Variants in DHX40 observed in about 807,000 individuals in gnomAD.
The protein encoded by DHX40 is DEAH-box helicase 40.
Under a neutral mutation model 89.6 loss-of-function variants are expected in DHX40, and 28 were observed. The observed-to-expected ratio is 0.31, with a 90% CI of 0.23 to 0.43. The LOEUF is 0.43. Among genes scored for constraint, DHX40 ranks in the 20% least tolerant of loss-of-function variants. The pLI, the probability that DHX40 is intolerant of heterozygous loss-of-function variation, is 1.00. For missense variants in DHX40, 457 were observed against 844.0 expected, an observed-to-expected ratio of 0.54 and a Z score of 5.68; for synonymous variants, 226 against 283.6, an observed-to-expected ratio of 0.80 and a Z score of 2.04.
In DHX40 at chr17:59,575,399, T is replaced by G. The variant is rs1299804475; in HGVS notation, c.901T>G (p.Tyr301Asp). The G allele has an allele frequency of 6.8e-6, 11 of 1,611,318 alleles. No individual in the cohort carries two copies. Among genetic ancestry groups the G allele is most frequent in the Non-Finnish European group, 8.5e-6 (10 of 1,178,974 alleles). The change falls in exon 7 of 18, where the codon TAT becomes GAT. Residue 301 changes from tyrosine (Y) to aspartate (D), a missense_variant. Coordinates refer to ENST00000251241, the MANE Select transcript of DHX40 (RefSeq NM_024612.5). ...LLFQMAESVD[Y>D]DYDVQDTTLD... ...TTTTCAGATGGCAGAGTCTGTTGAT[T>G]ATGATTATGATGTTCAAGATACCAC...
At chr17:59,565,972 A>T (rs1041309705) in intron 1 of DHX40, among the ~76,000 whole-genome samples, 189 bp downstream of exon 1, 2 of 151,918 alleles carry the variant, frequency 1.3e-5, no homozygotes, top group Non-Finnish European at 1.5e-5. Context: ...GCGGTCCCAG[A>T]TTCAAGTTAG....
chr17:59,604,115 G>A (rs1455391972), intron 15 of DHX40: 1 of 152,158 alleles, frequency 6.6e-6, no homozygotes, highest in African/African-American at 2.4e-5. Flanking sequence ...AATGTCAGTG[G>A]GGTCTGAGGA....
chr17:59,594,335 G>C (rs1359174770), intron 12 of DHX40, among the ~76,000 whole-genome samples: 4 of 151,966 alleles, frequency 2.6e-5, no homozygotes, highest in African/African-American at 9.7e-5. Flanking sequence ...ATAAAGTTGG[G>C]CACCTCGGCA....
intron 14 of DHX40, among the ~76,000 whole-genome samples, chr17:59,600,339 A>T (rs2030416367): frequency 6.6e-6 from 1 of 152,164 alleles, no homozygotes; most frequent in African/African-American, 2.4e-5. Context: ...TGAGAGAAAA[A>T]AAAAAATCTT....
intron 2 of DHX40, among the ~76,000 whole-genome samples, chr17:59,569,705 A>G (rs867109727): frequency 3.6e-5 from 5 of 140,832 alleles, no homozygotes; most frequent in East Asian, 2.0e-4. Context: ...AAAAATATAT[A>G]TATATCTATA....
intron 17 of DHX40, 91 bp downstream of exon 17, chr17:59,605,765 C>A: frequency 1.6e-6 from 2 of 1,241,010 alleles, no homozygotes; most frequent in South Asian, 2.6e-5. Context: ...ATGTTGTGAC[C>A]CACCTGGGCA....
chr17:59,587,860 T>C (rs1026852597), intron 11 of DHX40, 36 bp from the exon 12 acceptor site: 34 of 1,566,304 alleles, frequency 2.2e-5, no homozygotes, highest in Non-Finnish European at 2.6e-5. Flanking sequence ...ACTCTCCTAG[T>C]GTAGAAAGAC....
intron 15 of DHX40, among the ~76,000 whole-genome samples, chr17:59,603,043 C>T (rs2030630070): frequency 6.6e-6 from 1 of 151,956 alleles, no homozygotes; most frequent in Non-Finnish European, 1.5e-5. Context: ...GTGAGGAAGG[C>T]ATCTTTATAG....
rs2030308281 is a variant in DHX40, at chr17:59,599,095, T to C, written c.1697+244T>C. 2.0e-5 allele frequency among the ~76,000 whole-genome samples: 3 copies of C among 152,346 alleles called. No homozygotes were observed. The South Asian group carries it at 6.2e-4, about 32-fold the overall frequency. ...AAATGACCTTATAGAATTTTGCTTC[T>C]ATATAGGTAGCCTAGATTAAAAAAT... On this transcript the variant is annotated intron_variant, in intron 13 of 17. Transcript: ENST00000251241.
In DHX40 at chr17:59,605,377, TTTGG is replaced by T. The variant is rs2030778614; in HGVS notation, c.1972-62_1972-59del. The T allele has an allele frequency of 2.0e-6, 3 of 1,484,364 alleles. No individual in the cohort carries two copies. In the South Asian group the frequency reaches 3.7e-5, roughly 18 times the overall value. The allele number at this position is 1,484,364 out of a possible 1,614,324, so 91.9% of individuals were successfully genotyped here. On this transcript the variant is annotated intron_variant, in intron 16 of 17. Coordinates refer to ENST00000251241, the MANE Select transcript of DHX40 (RefSeq NM_024612.5). ...AATTAATTGAGAAGGATTTGGACTA[TTTGG>T]TTGGTTTAATGTGGAATAGGGCAGG...
chr17:59,585,236 C>T (rs1171965515), intron 10 of DHX40, among the ~76,000 whole-genome samples: 1 of 95,122 alleles, frequency 1.1e-5, no homozygotes, highest in Non-Finnish European at 2.0e-5. Context: ...CCCGCCTCTA[C>T]TAAAAATACA....
At chr17:59,606,122 C>T (rs1485846027) in intron 17 of DHX40, among the ~76,000 whole-genome samples, 1 of 151,940 alleles carries the variant, frequency 6.6e-6, no homozygotes, top group African/African-American at 2.4e-5. Context: ...TTTTGGCTCA[C>T]TGCAGCCTCT....
chr17:59,604,282 A>G (rs2030710618), intron 15 of DHX40: 1 of 152,164 alleles, frequency 6.6e-6, no homozygotes, highest in Admixed American at 6.5e-5. Context: ...TGATTCAGGT[A>G]AAAATTTTTT....
rs775781471 is a variant in DHX40 at position 59,577,290 on chromosome 17, C to T, written c.998C>T (p.Pro333Leu). 1 of 1,613,662 alleles carries T rather than the reference C, an allele frequency of 6.2e-7. No individual in the cohort carries two copies. Among genetic ancestry groups the T allele is most frequent in the East Asian group, 2.2e-5 (1 of 44,876 alleles). ...TTDQQRRIFLPPPPGIRKCVI... is the reference protein window; with the variant it reads ...TTDQQRRIFLLPPPGIRKCVI... ...GATCAACAGAGGAGGATATTTTTGC[C>T]ACCACCACCTGGAATTAGAAAATGT... Residue 333 changes from proline (P) to leucine (L), a missense_variant, in exon 8 of 18, where the codon CCA (proline) becomes CTA (leucine). Coordinates refer to ENST00000251241, the MANE Select transcript of DHX40 (RefSeq NM_024612.5).
intron 15 of DHX40, chr17:59,603,553 A>C (rs1415514069): frequency 2.0e-5 from 3 of 152,228 alleles, no homozygotes; most frequent in Non-Finnish European, 4.4e-5. Context: ...GCCCCAAGTA[A>C]TCAAATATGA....
Position 59,607,257 on chromosome 17 carries a change from C to G in DHX40, c.*85C>G. On this transcript the variant is annotated 3_prime_UTR_variant, in exon 18 of 18. Transcript: ENST00000251241. Reference sequence around the variant, plus strand: ...TGCCAGTTATTTCAGACAGCACTACCAAGAGGAGGTGGTCAGCACTTGTTA... The same window carrying G: ...TGCCAGTTATTTCAGACAGCACTACGAAGAGGAGGTGGTCAGCACTTGTTA... The G allele has an allele frequency of 6.2e-7, 1 of 1,613,310 alleles. No individual in the cohort carries two copies. The highest frequency in any genetic ancestry group is 1.1e-5 in the South Asian group (1 of 91,054).
chr17:59,606,911 A>G (rs908872499), intron 17 of DHX40, 122 bp from the exon 18 acceptor site: 2 of 1,009,618 alleles, frequency 2.0e-6, no homozygotes, highest in Non-Finnish European at 2.9e-6. Context: ...GCAAAATTTA[A>G]TTTTTCTCTT....
intron 9 of DHX40, 60 bp downstream of exon 9, chr17:59,579,618 GT>G: frequency 1.4e-6 from 1 of 725,592 alleles, no homozygotes; most frequent in Admixed American, 4.3e-5. Flanking sequence ...ATTTCTAGCT[GT>G]TTTGGGGAGA....
chr17:59,602,736 A>T, intron 15 of DHX40, 120 bp downstream of exon 15: 1 of 891,128 alleles, frequency 1.1e-6, no homozygotes, highest in East Asian at 2.8e-5. Flanking sequence ...TTATGACATG[A>T]ATTACAGTGA....
Sources: allele counts gnomAD v4.1 joint callset (sites outside exome capture counted in the v4.1 genomes callset), GRCh38; gene constraint gnomAD v4.1.1; transcripts MANE v1.5; gene names NCBI Gene and HGNC (gene_info 2026-07-23, HGNC 2026-07-21).